Variants in NALF1 observed in about 807,000 individuals in gnomAD.
NALF1 encodes the protein NALCN channel auxiliary factor 1.
Under a neutral mutation model 48.4 loss-of-function variants are expected in NALF1, and 3 were observed. The observed-to-expected ratio is 0.06, with a 90% CI of 0.03 to 0.16. NALF1 has a LOEUF of 0.16. Among genes scored for constraint, NALF1 ranks in the 10% least tolerant of loss-of-function variants. The probability of loss-of-function intolerance (pLI) is 1.00; values close to 1 mark genes in which losing one functional copy is unlikely to be tolerated. For missense variants in NALF1, 526 were observed against 571.5 expected, an observed-to-expected ratio of 0.92 and a Z score of 0.81; for synonymous variants, 262 against 245.7, an observed-to-expected ratio of 1.07 and a Z score of -0.62.
chr13:107,797,064 G>A (rs547212180), intron 1 of NALF1, among the ~76,000 whole-genome samples: 1 of 152,132 alleles, frequency 6.6e-6, no homozygotes, highest in Non-Finnish European at 1.5e-5. Context: ...AAAGATCATG[G>A]CCACCAAAAA....
chr13:107,678,727 G>T (rs912916016), intron 1 of NALF1, among the ~76,000 whole-genome samples: 2 of 152,158 alleles, frequency 1.3e-5, no homozygotes. Context: ...TCTTCACAAC[G>T]GGGCAGGAAG....
chr13:107,658,869 G>T (rs1262506418), intron 1 of NALF1, among the ~76,000 whole-genome samples: 1 of 151,890 alleles, frequency 6.6e-6, no homozygotes, highest in Non-Finnish European at 1.5e-5. Context: ...AGTTGATTAT[G>T]CCCTTCCCCT....
intron 1 of NALF1, among the ~76,000 whole-genome samples, chr13:107,768,080 G>T (rs1877467622): frequency 6.6e-6 from 1 of 152,098 alleles, no homozygotes; most frequent in Admixed American, 6.6e-5. Context: ...TAAGAGTCTT[G>T]TGTCCTTTGG....
chr13:107,514,275 T>C (rs940314867), intron 1 of NALF1, among the ~76,000 whole-genome samples: 10 of 152,198 alleles, frequency 6.6e-5, no homozygotes, highest in African/African-American at 1.7e-4. Flanking sequence ...TAAGAACTTA[T>C]GGAAGCTGAG....
At chr13:107,683,524 C>T (rs1157623271) in intron 1 of NALF1, among the ~76,000 whole-genome samples, 2 of 152,266 alleles carry the variant, frequency 1.3e-5, no homozygotes, top group East Asian at 3.9e-4. Context: ...CAGAATTAAC[C>T]GAGCATTAGG....
chr13:107,531,505 CTT>C (rs768968203), intron 1 of NALF1, among the ~76,000 whole-genome samples: 1 of 152,046 alleles, frequency 6.6e-6, no homozygotes, highest in Non-Finnish European at 1.5e-5. Context: ...AATTAAACCT[CTT>C]TGTTTTATAA....
chr13:107,661,802 C>A (rs1250941698), intron 1 of NALF1, among the ~76,000 whole-genome samples: 1 of 152,152 alleles, frequency 6.6e-6, no homozygotes, highest in East Asian at 1.9e-4. Flanking sequence ...TTCTACAACA[C>A]TAATTTTATA....
rs1055404017 is a variant in NALF1, at chr13:107,595,242, T to C, written c.915+270440A>G. On this transcript the variant is annotated intron_variant, in intron 1 of 2. Coordinates refer to ENST00000375915, the MANE Select transcript of NALF1 (RefSeq NM_001080396.3). ...TCCATAATCATGGAAAAGTTTATCT[T>C]CTAATTAATTGGAGTCTATCTAATC... Among the ~76,000 whole-genome samples, 8 of 152,132 alleles carry C rather than the reference T, an allele frequency of 5.3e-5. No homozygotes were observed. In the East Asian group the frequency reaches 1.5e-3, roughly 29 times the overall value.
chr13:107,842,301 G>A, intron 1 of NALF1, among the ~76,000 whole-genome samples: 1 of 151,960 alleles, frequency 6.6e-6, no homozygotes, highest in African/African-American at 2.4e-5. Context: ...AAAACTGAGA[G>A]AAATCAAATT....
At chr13:107,692,699 C>A (rs1319152495) in intron 1 of NALF1, among the ~76,000 whole-genome samples, 2 of 151,992 alleles carry the variant, frequency 1.3e-5, no homozygotes, top group African/African-American at 2.4e-5. Flanking sequence ...TCTCACAAAC[C>A]TGGAAAAAGA....
Position 107,381,826 on chromosome 13 carries a change from A to G in NALF1, c.916-171071T>C, listed in dbSNP as rs561729911. On this transcript the variant is annotated intron_variant, in intron 1 of 2. Transcript: ENST00000375915. ...CCATCTCTGGGGATGAGTGCTGCTT[A>G]GCTTTCCATCCTGATCTCTTCCTCT... Among the ~76,000 whole-genome samples, 12 of 152,242 alleles carry G rather than the reference A, an allele frequency of 7.9e-5. No homozygotes were observed. In the South Asian group the frequency reaches 2.3e-3, roughly 29 times the overall value.
chr13:107,536,062 A>G (rs1876797579), intron 1 of NALF1, among the ~76,000 whole-genome samples: 1 of 152,220 alleles, frequency 6.6e-6, no homozygotes. Context: ...CTTACACCTT[A>G]TACAAAAATG....
intron 1 of NALF1, among the ~76,000 whole-genome samples, chr13:107,289,507 T>G (rs1212002282): frequency 6.6e-6 from 1 of 152,226 alleles, no homozygotes; most frequent in Non-Finnish European, 1.5e-5. Context: ...TACAGAGGTA[T>G]ACCATGTATG....
At chr13:107,639,482 A>C (rs937017569) in intron 1 of NALF1, among the ~76,000 whole-genome samples, 1 of 152,198 alleles carries the variant, frequency 6.6e-6, no homozygotes, top group Non-Finnish European at 1.5e-5. Flanking sequence ...ACTTTAAAAA[A>C]GTCAGCTAAA....
At chr13:107,339,801 A>C (rs979786310) in intron 1 of NALF1, among the ~76,000 whole-genome samples, 2 of 152,190 alleles carry the variant, frequency 1.3e-5, no homozygotes, top group African/African-American at 4.8e-5. Context: ...CTTTAACTCT[A>C]AATAGATTTG....
intron 1 of NALF1, among the ~76,000 whole-genome samples, chr13:107,458,716 T>C (rs927653625): frequency 3.3e-5 from 5 of 151,696 alleles, no homozygotes; most frequent in African/African-American, 7.3e-5. Flanking sequence ...TTCTAAAGAG[T>C]AGACCAACAA....
intron 1 of NALF1, among the ~76,000 whole-genome samples, chr13:107,633,939 T>C (rs1281441429): frequency 1.3e-5 from 2 of 149,232 alleles, no homozygotes; most frequent in East Asian, 1.9e-4. Context: ...TATGGATATA[T>C]ATATTCTGTA....
At chr13:107,228,043 T>C (rs188727330) in intron 1 of NALF1, among the ~76,000 whole-genome samples, 4 of 152,346 alleles carry the variant, frequency 2.6e-5, no homozygotes, top group African/African-American at 9.6e-5. Context: ...GTAAAGAGCA[T>C]ACACCAGATA....
At chr13:107,562,691 C>T (rs1378540289) in intron 1 of NALF1, among the ~76,000 whole-genome samples, 1 of 152,126 alleles carries the variant, frequency 6.6e-6, no homozygotes, top group East Asian at 1.9e-4. Flanking sequence ...TTTCCAAGAC[C>T]ATACGAACTC....
Sources: gnomAD v4.1 joint callset for allele counts (sites outside exome capture counted in the v4.1 genomes callset) on GRCh38, gnomAD v4.1.1 for gene constraint, MANE v1.5 for transcripts, NCBI Gene and HGNC (gene_info 2026-07-23, HGNC 2026-07-21) for gene names.